The following MIPEP variants were observed in gnomAD, a reference collection of about 807,000 sequenced individuals.
MIPEP encodes mitochondrial intermediate peptidase.
MIPEP carries 79 observed loss-of-function variants against 90.3 expected under a neutral mutation model. That is an observed-to-expected ratio of 0.87 (90% CI 0.73 to 1.05). The LOEUF is 1.05. MIPEP is among the 50% of genes least tolerant of loss of function. MIPEP has a pLI of 0.00. For synonymous variants in MIPEP, 334 were observed against 315.8 expected (o/e 1.06, Z -0.61); for missense variants, 940 against 905.6 (o/e 1.04, Z -0.49).
At chr13:23,757,111 G>A (rs1276222792) in intron 17 of MIPEP, among the ~76,000 whole-genome samples, 1 of 152,114 alleles carries the variant, frequency 6.6e-6, no homozygotes, top group African/African-American at 2.4e-5. Context: ...ATCAGTGGGA[G>A]CCCTGAGCTT....
chr13:23,868,473 G>A (rs1174264156), intron 7 of MIPEP, among the ~76,000 whole-genome samples: 2 of 152,250 alleles, frequency 1.3e-5, no homozygotes, highest in Admixed American at 6.5e-5. Context: ...AAAGACAAGC[G>A]AGGATTCAGG....
chr13:23,876,202 C>G (rs7982379), intron 4 of MIPEP, among the ~76,000 whole-genome samples: 38,343 of 152,032 alleles, frequency 0.25, 5,008 homozygotes, highest in East Asian at 0.45. Flanking sequence ...CAAACCAGAA[C>G]TACTATTCTT....
chr13:23,752,696 A>G (rs1201433313), intron 18 of MIPEP, among the ~76,000 whole-genome samples: 1 of 152,190 alleles, frequency 6.6e-6, no homozygotes, highest in African/African-American at 2.4e-5. Context: ...ATGAGAGTTA[A>G]ACCTCACCCC....
intron 17 of MIPEP, among the ~76,000 whole-genome samples, chr13:23,757,024 A>G (rs1191966702): frequency 6.6e-6 from 1 of 152,182 alleles, no homozygotes; most frequent in East Asian, 1.9e-4. Flanking sequence ...AGAACATTAC[A>G]TTTACGGTGC....
At chr13:23,735,375 T>C (rs1791385768) in intron 18 of MIPEP, among the ~76,000 whole-genome samples, 2 of 152,160 alleles carry the variant, frequency 1.3e-5, no homozygotes, top group Non-Finnish European at 2.9e-5. Flanking sequence ...TAAAAAAAAC[T>C]ATATTTGAAA....
intron 14 of MIPEP, among the ~76,000 whole-genome samples, chr13:23,815,063 C>G (rs1426055074): frequency 6.6e-6 from 1 of 152,194 alleles, no homozygotes; most frequent in Non-Finnish European, 1.5e-5. Context: ...AATGTTAATA[C>G]ATCAGGTTTA....
At chr13:23,749,849 C>A (rs1952421755) in intron 18 of MIPEP, among the ~76,000 whole-genome samples, 1 of 152,114 alleles carries the variant, frequency 6.6e-6, no homozygotes, top group Non-Finnish European at 1.5e-5. Context: ...AGAATAAACA[C>A]CAACTCTCTT....
intron 10 of MIPEP, among the ~76,000 whole-genome samples, chr13:23,858,189 G>A (rs1870126814): frequency 2.0e-5 from 3 of 152,024 alleles, no homozygotes; most frequent in Non-Finnish European, 4.4e-5. Context: ...TGTGTTCACT[G>A]TGAAAAGAGC....
At chr13:23,849,073 A>G (rs1479209660) in intron 10 of MIPEP, among the ~76,000 whole-genome samples, 1 of 152,218 alleles carries the variant, frequency 6.6e-6, no homozygotes, top group Non-Finnish European at 1.5e-5. Flanking sequence ...GGGTGGTCAC[A>G]GGCCCCAGTA....
At chr13:23,821,894 G>C (rs558856222) in intron 14 of MIPEP, among the ~76,000 whole-genome samples, 1 of 152,152 alleles carries the variant, frequency 6.6e-6, no homozygotes, top group East Asian at 1.9e-4. Flanking sequence ...TTTTTTCCAA[G>C]TATTTTTGAC....
intron 10 of MIPEP, among the ~76,000 whole-genome samples, chr13:23,846,490 T>C (rs1049333647): frequency 1.3e-5 from 2 of 152,222 alleles, no homozygotes; most frequent in African/African-American, 4.8e-5. Flanking sequence ...ATTTTGGATT[T>C]TTTTTTCTAT....
Position 23,841,373 on chromosome 13 carries a change from C to A in MIPEP, c.1222G>T (p.Ala408Ser). 6.2e-7 allele frequency: 1 copy of A among 1,613,600 alleles called. No individual in the cohort carries two copies. Among genetic ancestry groups the A allele is most frequent in the Non-Finnish European group, 8.5e-7 (1 of 1,179,908 alleles). Residue 408 changes from alanine (A) to serine (S), a missense_variant, in exon 11 of 19, where the codon GCA becomes TCA. Coordinates refer to ENST00000382172, the MANE Select transcript of MIPEP (RefSeq NM_005932.4). ...TCTTCGCTCCACACCTCTCCTTTTG[C>A]AGGCTGCTCTGCATATAATGAAATC... ...LGISLYAEQP[A>S]KGEVWSEDVR... is the part of the protein sequence containing the mutation.
chr13:23,789,825 A>G (rs1393080418), intron 16 of MIPEP, among the ~76,000 whole-genome samples: 1 of 151,804 alleles, frequency 6.6e-6, no homozygotes, highest in East Asian at 1.9e-4. Context: ...TAGCAGTTCC[A>G]CTGCGATCAG....
intron 4 of MIPEP, among the ~76,000 whole-genome samples, chr13:23,877,189 T>C (rs1369829549): frequency 6.6e-6 from 1 of 152,238 alleles, no homozygotes; most frequent in African/African-American, 2.4e-5. Context: ...AAAATCATTT[T>C]AAGTAACAAT....
intron 7 of MIPEP, among the ~76,000 whole-genome samples, chr13:23,865,606 C>T (rs193228753): frequency 7.2e-4 from 109 of 152,150 alleles, no homozygotes; most frequent in South Asian, 6.0e-3. Context: ...TCTTAATAAC[C>T]GTGTTTTAAC....
intron 18 of MIPEP, among the ~76,000 whole-genome samples, chr13:23,741,615 A>C (rs895843662): frequency 2.0e-5 from 3 of 152,200 alleles, no homozygotes; most frequent in Non-Finnish European, 4.4e-5. Context: ...TGGGAGCTAA[A>C]TAATGAGAAC....
At chr13:23,754,152 TA>T (rs1320844426) in intron 18 of MIPEP, among the ~76,000 whole-genome samples, 1 of 152,148 alleles carries the variant, frequency 6.6e-6, no homozygotes, top group Non-Finnish European at 1.5e-5. Context: ...CAAATCTCAG[TA>T]ATTTCACCCA....
At chr13:23,801,070 C>T (rs887270318) in intron 16 of MIPEP, among the ~76,000 whole-genome samples, 1 of 152,162 alleles carries the variant, frequency 6.6e-6, no homozygotes, top group Non-Finnish European at 1.5e-5. Context: ...AAAGACTCTT[C>T]GTTGCTTATA....
chr13:23,848,414 T>C (rs1446953987), intron 10 of MIPEP, among the ~76,000 whole-genome samples: 1 of 151,386 alleles, frequency 6.6e-6, no homozygotes, highest in African/African-American at 2.4e-5. Flanking sequence ...GTAGATGCAG[T>C]AAACTTTCAT....
Sources: allele counts gnomAD v4.1 joint callset (sites outside exome capture counted in the v4.1 genomes callset), GRCh38; gene constraint gnomAD v4.1.1; transcripts MANE v1.5; gene names NCBI Gene and HGNC (gene_info 2026-07-23, HGNC 2026-07-21).